Variants in ASIC2 observed in about 807,000 individuals in gnomAD.
ASIC2 encodes the protein acid-sensing ion channel 2.
A neutral mutation model predicts 57.3 loss-of-function variants in ASIC2; 25 were observed. That is an observed-to-expected ratio of 0.44 (90% CI 0.32 to 0.61). ASIC2 has a LOEUF of 0.61. Among genes scored for constraint, ASIC2 ranks in the 20% least tolerant of loss-of-function variants. The pLI, the probability that ASIC2 is intolerant of heterozygous loss-of-function variation, is 0.06. For synonymous variants in ASIC2, 319 were observed against 307.5 expected (o/e 1.04, Z -0.39); for missense variants, 641 against 738.1 (o/e 0.87, Z 1.52).
At chr17:33,979,175 A>G (rs920601557) in intron 1 of ASIC2, among the ~76,000 whole-genome samples, 1 of 152,176 alleles carries the variant, frequency 6.6e-6, no homozygotes, top group Non-Finnish European at 1.5e-5. Flanking sequence ...GCCTGGACCC[A>G]GGCCATGACA....
intron 1 of ASIC2, among the ~76,000 whole-genome samples, chr17:33,472,668 C>T (rs1412024156): frequency 6.6e-6 from 1 of 152,076 alleles, no homozygotes; most frequent in Non-Finnish European, 1.5e-5. Flanking sequence ...AACATCTTGG[C>T]AATGGAATGA....
chr17:33,669,777 A>G (rs1291011751), intron 1 of ASIC2, among the ~76,000 whole-genome samples: 1 of 152,222 alleles, frequency 6.6e-6, no homozygotes, highest in Non-Finnish European at 1.5e-5. Context: ...TTGCTGCTGC[A>G]GATATCTTCC....
intron 1 of ASIC2, among the ~76,000 whole-genome samples, chr17:33,520,137 G>A (rs149202675): frequency 3.3e-5 from 5 of 152,312 alleles, no homozygotes; most frequent in African/African-American, 1.2e-4. Context: ...CTCCCCAGGG[G>A]CCTCTTTGGC....
At chr17:33,799,442 CTTTCTTTCTTTCT>C (rs1567719125) in intron 1 of ASIC2, among the ~76,000 whole-genome samples, 26 of 68,206 alleles carry the variant, frequency 3.8e-4, no homozygotes, top group African/African-American at 1.5e-3. Context: ...TTCTTTCTTT[CTTTCTTTCTTTCT>C]TTCTTTCTTT....
intron 1 of ASIC2, among the ~76,000 whole-genome samples, chr17:33,615,292 T>C (rs1272949991): frequency 6.6e-6 from 1 of 152,230 alleles, no homozygotes; most frequent in Admixed American, 6.5e-5. Context: ...TAGGCAGTAC[T>C]TAAAAGTACC....
At chr17:33,923,921 T>A (rs1051095415) in intron 1 of ASIC2, among the ~76,000 whole-genome samples, 1 of 152,116 alleles carries the variant, frequency 6.6e-6, no homozygotes. Context: ...AGCAACTACA[T>A]GGCAGAAGAT....
intron 1 of ASIC2, chr17:34,041,270 G>C (rs1327296035): frequency 6.6e-6 from 1 of 152,176 alleles, no homozygotes; most frequent in Non-Finnish European, 1.5e-5. Context: ...CAACTATCCT[G>C]GGTCGGAGGC....
chr17:33,850,658 T>C lies in ASIC2; in HGVS notation c.555+305320A>G, dbSNP rs76239933. The stretch of plus-strand genomic sequence containing the variant: ...CTATGATCTGAGAGCACACATATAA[T>C]AGAGTCATATTTTCTGCAGGTAAAA... On this transcript the variant is annotated intron_variant, in intron 1 of 9. Transcript: ENST00000359872. Among the ~76,000 whole-genome samples the C allele has an allele frequency of 4.9e-3, 740 of 152,312 alleles. 7 individuals carry two copies. The highest frequency in any genetic ancestry group is 0.017 in the African/African-American group (711 of 41,562).
chr17:33,422,011 G>A (rs1911061107), intron 1 of ASIC2, among the ~76,000 whole-genome samples: 1 of 152,196 alleles, frequency 6.6e-6, no homozygotes, highest in Admixed American at 6.5e-5. Context: ...AACTGTATCT[G>A]CTGGGCAAAC....
intron 1 of ASIC2, among the ~76,000 whole-genome samples, chr17:33,632,336 A>T (rs1906201040): frequency 6.6e-6 from 1 of 152,198 alleles, no homozygotes; most frequent in South Asian, 2.1e-4. Context: ...AACGCTTAAG[A>T]TTGTTGTTAT....
chr17:33,601,977 G>A (rs1905125187), intron 1 of ASIC2, among the ~76,000 whole-genome samples: 1 of 152,204 alleles, frequency 6.6e-6, no homozygotes, highest in Non-Finnish European at 1.5e-5. Flanking sequence ...TCCTGTGCCT[G>A]TCCCATCATT....
intron 1 of ASIC2, among the ~76,000 whole-genome samples, chr17:33,704,264 C>T (rs184768284): frequency 3.7e-4 from 56 of 152,358 alleles, no homozygotes; most frequent in African/African-American, 1.3e-3. Flanking sequence ...AAAAACACAA[C>T]CCTGGGTGGA....
intron 1 of ASIC2, among the ~76,000 whole-genome samples, chr17:33,654,698 T>C (rs1907025137): frequency 6.6e-6 from 1 of 152,200 alleles, no homozygotes; most frequent in African/African-American, 2.4e-5. Flanking sequence ...AGACTAAAAC[T>C]ACTCCCAAGT....
rs116805549 is a variant in ASIC2, at chr17:33,214,210, A to T, written c.708+77198T>A. 2.1e-3 allele frequency among the ~76,000 whole-genome samples: 320 copies of T among 152,210 alleles called. 1 individual carries two copies. Among genetic ancestry groups the T allele is most frequent in the African/African-American group, 7.5e-3 (313 of 41,560 alleles). On this transcript the variant is annotated intron_variant, in intron 1 of 9. Coordinates refer to ENST00000225823, the MANE Select transcript of ASIC2 (RefSeq NM_183377.2). ...AGCAGCTCTGGGAACCCAGCAATAAATTAGAATGTCAGCATGATATGGGGT... is the reference window on the plus strand; with the variant it reads ...AGCAGCTCTGGGAACCCAGCAATAATTTAGAATGTCAGCATGATATGGGGT...
intron 1 of ASIC2, among the ~76,000 whole-genome samples, chr17:33,579,487 G>A (rs940022272): frequency 2.0e-5 from 3 of 152,022 alleles, no homozygotes; most frequent in Admixed American, 6.6e-5. Context: ...TGAGAATCAC[G>A]TGCCTTACTG....
intron 1 of ASIC2, among the ~76,000 whole-genome samples, chr17:33,621,207 G>C (rs183537294): frequency 1.3e-5 from 2 of 152,106 alleles, no homozygotes; most frequent in South Asian, 4.1e-4. Flanking sequence ...CTAGTTATGA[G>C]AGTAATATAA....
At position 33,344,952 on chromosome 17, in the gene ASIC2, G is replaced by C. The variant is rs1333479693; in HGVS notation, c.556-232885C>G. ...CCTTGGTTTTTTTTTTTTTAGCTGG[G>C]GACAGCGGCTTGAATTAACAAACCA... On this transcript the variant is annotated intron_variant, in intron 1 of 9. Transcript: ENST00000359872. 3.3e-5 allele frequency among the ~76,000 whole-genome samples: 5 copies of C among 151,516 alleles called. No individual in the cohort carries two copies. The South Asian group carries it at 8.3e-4, about 25-fold the overall frequency.
At position 33,130,819 on chromosome 17, in the gene ASIC2, C is replaced by T. The variant is rs2092342723; in HGVS notation, c.709-18752G>A. 2.6e-5 allele frequency among the ~76,000 whole-genome samples: 4 copies of T among 152,144 alleles called. No individual in the cohort carries two copies. In the South Asian group the frequency reaches 8.3e-4, roughly 32 times the overall value. On this transcript the variant is annotated intron_variant, in intron 1 of 9. Coordinates refer to ENST00000225823, the MANE Select transcript of ASIC2 (RefSeq NM_183377.2). Reference sequence around the variant, plus strand: ...GAGTCAGGGCAGACATCTAAGGGCCCTAAGCCTGCGGAGAGGGGAGTGGAG... The same window carrying T: ...GAGTCAGGGCAGACATCTAAGGGCCTTAAGCCTGCGGAGAGGGGAGTGGAG...
intron 1 of ASIC2, among the ~76,000 whole-genome samples, chr17:33,116,296 A>G (rs1402377967): frequency 6.6e-6 from 1 of 152,198 alleles, no homozygotes; most frequent in Non-Finnish European, 1.5e-5. Flanking sequence ...ACACAGCGCA[A>G]TTTTGCTACA....
Sources: gnomAD v4.1 joint callset for allele counts (sites outside exome capture counted in the v4.1 genomes callset) on GRCh38, gnomAD v4.1.1 for gene constraint, MANE v1.5 for transcripts, NCBI Gene and HGNC (gene_info 2026-07-23, HGNC 2026-07-21) for gene names.